Variants in NADSYN1 observed in about 807,000 individuals in gnomAD.
NADSYN1 encodes NAD synthetase 1, also known as glutamine-dependent NAD(+) synthetase.
Under a neutral mutation model 99.3 loss-of-function variants are expected in NADSYN1, and 80 were observed. The observed-to-expected ratio is 0.81, with a 90% CI of 0.67 to 0.97. The LOEUF is 0.97. Among genes scored for constraint, NADSYN1 ranks in the 50% least tolerant of loss-of-function variants. NADSYN1 has a pLI of 0.00. For synonymous variants in NADSYN1, 385 were observed against 372.1 expected (o/e 1.03, Z -0.40); for missense variants, 859 against 948.5 (o/e 0.91, Z 1.24).
chr11:71,465,636 A>C (rs1357550545), intron 5 of NADSYN1, among the ~76,000 whole-genome samples: 2 of 152,252 alleles, frequency 1.3e-5, no homozygotes, highest in Non-Finnish European at 2.9e-5. Context: ...GTGACAACCA[A>C]AAATGTCCCC....
intron 3 of NADSYN1, among the ~76,000 whole-genome samples, chr11:71,460,563 C>T (rs1591121989): frequency 6.6e-6 from 1 of 152,190 alleles, no homozygotes; most frequent in African/African-American, 2.4e-5. Context: ...CTATGTTGCC[C>T]AGGCTGGTTC....
chr11:71,464,005 G>T (rs768694026), intron 4 of NADSYN1, 48 bp from the exon 5 acceptor site: 20 of 1,487,438 alleles, frequency 1.3e-5, no homozygotes, highest in East Asian at 2.3e-5. Flanking sequence ...CCAGTGGCAC[G>T]TTCATCTCAG....
intron 16 of NADSYN1, among the ~76,000 whole-genome samples, chr11:71,486,552 C>T (rs1428241621): frequency 6.6e-6 from 1 of 152,116 alleles, no homozygotes; most frequent in South Asian, 2.1e-4. Context: ...CACATCCCTC[C>T]ACCCACCTGT....
intron 4 of NADSYN1, 87 bp from the exon 5 acceptor site, chr11:71,463,966 A>G (rs1258911181): frequency 9.1e-7 from 1 of 1,102,618 alleles, no homozygotes; most frequent in East Asian, 2.6e-5. Flanking sequence ...GCATGGCATC[A>G]CCTCGTCACT....
chr11:71,488,281 AGGAAACGTCCG>A, intron 16 of NADSYN1, among the ~76,000 whole-genome samples: 1 of 152,102 alleles, frequency 6.6e-6, no homozygotes, highest in East Asian at 1.9e-4. Flanking sequence ...TGTGTATTGT[AGGAAACGTCCG>A]CCGAGAGAGC....
rs143884210 is a variant in NADSYN1, at chr11:71,497,506, G to A, written c.1788G>A (p.Ala596=). 178 of 1,614,104 alleles carry A rather than the reference G, an allele frequency of 1.1e-4. No homozygotes were observed. The highest frequency in any genetic ancestry group is 3.1e-4 in the African/African-American group (23 of 74,988). Residue 596 remains alanine (A), a synonymous_variant, in exon 19 of 21, where the codon GCG becomes GCA. Transcript: ENST00000319023. The part of the protein sequence containing the change: ...TDEEDMGMTY[A]ELSVYGKLRK... ...AGGAAGATATGGGGATGACATATGC[G>A]GAGCTCTCGGTCTATGGGAAACTCA...
At position 71,482,780 on chromosome 11, in the gene NADSYN1, G is replaced by A. The variant is rs188552594; in HGVS notation, c.1151-69G>A. ...GCATGGGCACCTGGGGGTGTAGACC[G>A]GGGTGGAACTATGTAAACATCCCAC... On this transcript the variant is annotated intron_variant, in intron 13 of 20. Transcript: ENST00000319023. 1,008 of 1,536,924 alleles carry A rather than the reference G, an allele frequency of 6.6e-4. 5 individuals carry two copies. The African/African-American group carries it at 0.012, about 19-fold the overall frequency.
Position 71,497,561 on chromosome 11 carries a change from A to G in NADSYN1, c.1843A>G (p.Met615Val). The change falls in exon 19 of 21, where the codon ATG becomes GTG. Residue 615 changes from methionine (M) to valine (V), a missense_variant. By Grantham distance (21) the Met-to-Val change is conservative. Coordinates refer to ENST00000319023, the MANE Select transcript of NADSYN1 (RefSeq NM_018161.5). ...RKVAKMGPYS[M>V]FCKLLGMWRH... ...GGTGGCCAAGATGGGGCCCTACAGCATGTTCTGCAAACTCCTCGGCATGTG... is the reference window on the plus strand; with the variant it reads ...GGTGGCCAAGATGGGGCCCTACAGCGTGTTCTGCAAACTCCTCGGCATGTG... 1 of 1,614,186 alleles carries G rather than the reference A, an allele frequency of 6.2e-7. No individual in the cohort carries two copies. The highest frequency in any genetic ancestry group is 8.5e-7 in the Non-Finnish European group (1 of 1,180,036).
chr11:71,497,289 T>G, intron 18 of NADSYN1, 194 bp from the exon 19 acceptor site: 1 of 624,636 alleles, frequency 1.6e-6, no homozygotes, highest in Non-Finnish European at 2.7e-6. Flanking sequence ...AAATGCCTGG[T>G]TCTTCGTTGC....
intron 5 of NADSYN1, among the ~76,000 whole-genome samples, chr11:71,467,875 C>A (rs1314197239): frequency 3.9e-5 from 6 of 152,176 alleles, no homozygotes; most frequent in African/African-American, 1.4e-4. Context: ...TGCAACAGAT[C>A]TCAACAGGAT....
chr11:71,464,443 G>A (rs1375482352), intron 5 of NADSYN1: 3 of 279,568 alleles, frequency 1.1e-5, no homozygotes, highest in African/African-American at 6.5e-5. Context: ...CGGTTACTTG[G>A]TGTGAGCCCC....
intron 5 of NADSYN1, 29 bp downstream of exon 5, chr11:71,464,171 A>G (rs1190949449): frequency 1.9e-5 from 29 of 1,555,438 alleles, no homozygotes; most frequent in Non-Finnish European, 2.5e-5. Flanking sequence ...CACTCCTGGG[A>G]TGTGCGTTAA....
Position 71,478,427 on chromosome 11 carries a change from C to G in NADSYN1, c.831C>G (p.Asp277Glu). ...EVLTATLDLE[D>E]VRSYRAEISS... ...TGACGGCCACGCTGGATCTGGAGGA[C>G]GTCCGGAGCTACAGGGCGGAGATTT... is the stretch of plus-strand genomic sequence containing the variant. Residue 277 changes from aspartate (D) to glutamate (E), a missense_variant, in exon 10 of 21, where the codon GAC becomes GAG. Asp to Glu is a conservative substitution (Grantham distance 45). Transcript: ENST00000319023. The G allele has an allele frequency of 6.2e-7, 1 of 1,609,544 alleles. No homozygotes were observed. The highest frequency in any genetic ancestry group is 8.5e-7 in the Non-Finnish European group (1 of 1,178,112).
chr11:71,484,253 C>A, intron 14 of NADSYN1, 59 bp from the exon 15 acceptor site: 1 of 1,584,662 alleles, frequency 6.3e-7, no homozygotes, highest in Non-Finnish European at 8.6e-7. Flanking sequence ...ACCGCTCATG[C>A]GCACACACAT....
intron 3 of NADSYN1, among the ~76,000 whole-genome samples, chr11:71,461,756 A>C (rs969933482): frequency 4.6e-5 from 7 of 152,118 alleles, no homozygotes; most frequent in African/African-American, 1.2e-4. Context: ...ACCAGATCTC[A>C]TGAGAACCCA....
At chr11:71,459,159 A>G in intron 3 of NADSYN1, 1 of 131,838 alleles carries the variant, frequency 7.6e-6, no homozygotes, top group Non-Finnish European at 1.5e-5. Flanking sequence ...TCTGTGCTGT[A>G]CCCTGCATAG....
In NADSYN1 at chr11:71,475,277, A is replaced by C. The variant is rs142241003; in HGVS notation, c.798+751A>C. ...CTGCCCCTGAGTCCTGGGAAGCAGA[A>C]GTGGAGACCCCAGGACACTCTGGTC... On this transcript the variant is annotated intron_variant, in intron 9 of 20. Transcript: ENST00000319023. 3.3e-3 allele frequency: 513 copies of C among 154,650 alleles called. 1 individual carries two copies. Among genetic ancestry groups the C allele is most frequent in the African/African-American group, 0.012 (495 of 41,582 alleles). 9.6% of individuals were successfully genotyped at this position (154,650 alleles called of 1,614,324 possible).
chr11:71,478,861 C>T, intron 10 of NADSYN1: 1 of 184,496 alleles, frequency 5.4e-6, no homozygotes, highest in Admixed American at 5.3e-5. Context: ...CCCACTTCGG[C>T]AGTTGGAGGC....
intron 6 of NADSYN1, 83 bp from the exon 7 acceptor site, chr11:71,473,195 A>G: frequency 7.8e-7 from 1 of 1,288,020 alleles, no homozygotes; most frequent in Admixed American, 1.7e-5. Flanking sequence ...TTGTGGCTGC[A>G]GGATGTCCGT....
Sources: gnomAD v4.1 joint callset for allele counts (sites outside exome capture counted in the v4.1 genomes callset) on GRCh38, gnomAD v4.1.1 for gene constraint, MANE v1.5 for transcripts, NCBI Gene and HGNC (gene_info 2026-07-23, HGNC 2026-07-21) for gene names.